Variants in PTCD2 observed in about 807,000 individuals in gnomAD.
The protein encoded by PTCD2 is pentatricopeptide repeat domain 2.
PTCD2 carries 31 observed loss-of-function variants against 42.6 expected under a neutral mutation model. That is an observed-to-expected ratio of 0.73 (90% CI 0.55 to 0.98). PTCD2 has a LOEUF of 0.98. Ranked by LOEUF, PTCD2 falls within the 50% of genes least tolerant of loss-of-function variation. The pLI is 0.00. For synonymous variants in PTCD2, 183 were observed against 170.9 expected, an observed-to-expected ratio of 1.07 and a Z score of -0.55; for missense variants, 476 against 454.8, an observed-to-expected ratio of 1.05 and a Z score of -0.42.
At chr5:72,354,242 A>T (rs1752754173) in intron 9 of PTCD2, among the ~76,000 whole-genome samples, 1 of 152,060 alleles carries the variant, frequency 6.6e-6, no homozygotes. Flanking sequence ...ATCTACTAAA[A>T]ATATAAAAAT....
rs749232470 is a variant in PTCD2 at position 72,366,220 on chromosome 5, T to TAAC, written c.*7795_*7796insCAA. The TAAC allele has an allele frequency of 1.3e-5, 2 of 151,800 alleles. No homozygotes were observed. The highest frequency in any genetic ancestry group is 2.9e-5 in the Non-Finnish European group (2 of 67,946). The allele number at this position is 151,800 out of a possible 1,614,324, so 9.4% of individuals were successfully genotyped here. On this transcript the variant is annotated 3_prime_UTR_variant, in exon 10 of 10. Coordinates refer to ENST00000380639, the MANE Select transcript of PTCD2 (RefSeq NM_024754.5). Reference sequence around the variant, plus strand: ...GACAAGAGCGAAACTATGTTTCAAATAATAATAATAATAATAAGACTTACC... The same window carrying TAAC: ...GACAAGAGCGAAACTATGTTTCAAATAACAATAATAATAATAATAAGACTTACC...
At chr5:72,350,594 A>G (rs932321485) in intron 8 of PTCD2, among the ~76,000 whole-genome samples, 3 of 152,208 alleles carry the variant, frequency 2.0e-5, no homozygotes, top group African/African-American at 4.8e-5. Flanking sequence ...TGAGAGACGC[A>G]TGGAAAGTTG....
chr5:72,331,138 CTG>C (rs1751420509), intron 3 of PTCD2, 118 bp from the exon 4 acceptor site: 2 of 697,798 alleles, frequency 2.9e-6, no homozygotes, highest in African/African-American at 1.8e-5. Context: ...CCCCTCCAGA[CTG>C]TGAGAGGACT....
chr5:72,322,084 G>A (rs1284205525), intron 1 of PTCD2, 88 bp from the exon 2 acceptor site: 3 of 706,050 alleles, frequency 4.2e-6, no homozygotes, highest in East Asian at 2.6e-5. Context: ...TATAATAGAT[G>A]TTAGAGGTAA....
intron 3 of PTCD2, among the ~76,000 whole-genome samples, chr5:72,330,886 T>C (rs1054387964): frequency 6.6e-6 from 1 of 152,142 alleles, no homozygotes; most frequent in Non-Finnish European, 1.5e-5. Flanking sequence ...TTTCCCTTGT[T>C]CTCCTCTGGG....
intron 2 of PTCD2, among the ~76,000 whole-genome samples, chr5:72,325,523 G>C (rs1476474965): frequency 1.3e-5 from 2 of 152,188 alleles, no homozygotes; most frequent in Non-Finnish European, 2.9e-5. Flanking sequence ...GAATGCAAGT[G>C]GCCGAGCTTA....
At chr5:72,348,205 A>G (rs543516081) in intron 8 of PTCD2, among the ~76,000 whole-genome samples, 26 of 152,210 alleles carry the variant, frequency 1.7e-4, no homozygotes, top group Admixed American at 3.3e-4. Context: ...CACATTTTAA[A>G]AAATGACTGC....
In PTCD2 at chr5:72,361,376, G is replaced by A. The variant is rs572334379; in HGVS notation, c.*2949G>A. On this transcript the variant is annotated 3_prime_UTR_variant, in exon 10 of 10. Transcript: ENST00000380639. ...TGGCATAATCTCAAAGGCTTCCTTA[G>A]TATTTCTGGCAGTTGATGCTAGGAC... The A allele has an allele frequency of 2.0e-5, 3 of 152,362 alleles. No homozygotes were observed. In the East Asian group the frequency reaches 5.8e-4, roughly 29 times the overall value. The allele number at this position is 152,362 out of a possible 1,614,324, so 9.4% of individuals were successfully genotyped here. A position where few individuals can be genotyped will look rare whatever the true frequency, so the allele number is the denominator to read the frequency against.
intron 6 of PTCD2, among the ~76,000 whole-genome samples, chr5:72,337,747 C>T (rs1267300664): frequency 1.3e-5 from 2 of 152,134 alleles, no homozygotes; most frequent in African/African-American, 2.4e-5. Flanking sequence ...GAGCTGAAAT[C>T]GCACCATTGC....
intron 7 of PTCD2, among the ~76,000 whole-genome samples, chr5:72,339,502 A>C (rs1310179926): frequency 6.6e-6 from 1 of 152,194 alleles, no homozygotes; most frequent in Non-Finnish European, 1.5e-5. Context: ...ATTTCCATAT[A>C]CTGCTGGGGG....
intron 2 of PTCD2, among the ~76,000 whole-genome samples, chr5:72,325,202 C>T (rs528738304): frequency 6.6e-6 from 1 of 152,278 alleles, no homozygotes; most frequent in African/African-American, 2.4e-5. Flanking sequence ...GGATTACAGG[C>T]CTGAGCCACT....
intron 2 of PTCD2, among the ~76,000 whole-genome samples, chr5:72,325,071 C>T (rs1751068049): frequency 2.6e-5 from 4 of 151,984 alleles, no homozygotes; most frequent in Admixed American, 2.6e-4. Flanking sequence ...TACAGGCGTG[C>T]ACCACCACAC....
At chr5:72,353,806 G>C (rs1490414438) in intron 9 of PTCD2, among the ~76,000 whole-genome samples, 1 of 152,116 alleles carries the variant, frequency 6.6e-6, no homozygotes, top group East Asian at 1.9e-4. Context: ...AATAGAAAAA[G>C]ATACAGTTGT....
Position 72,358,839 on chromosome 5 carries a change from T to A in PTCD2, c.*412T>A, listed in dbSNP as rs1753015558. On this transcript the variant is annotated 3_prime_UTR_variant, in exon 10 of 10. Coordinates refer to ENST00000380639, the MANE Select transcript of PTCD2 (RefSeq NM_024754.5). ...AATTCAGGAGGTATGAAACCCTATT[T>A]TACCATGTTAGAAAACAGCCCAGGA... 5.0e-6 allele frequency: 1 copy of A among 199,882 alleles called. No individual in the cohort carries two copies. Among genetic ancestry groups the A allele is most frequent in the Admixed American group, 5.3e-5 (1 of 18,836 alleles). The allele number at this position is 199,882 out of a possible 1,614,324, so 12.4% of individuals were successfully genotyped here.
At chr5:72,346,315 T>A (rs1325648773) in intron 8 of PTCD2, among the ~76,000 whole-genome samples, 1 of 152,202 alleles carries the variant, frequency 6.6e-6, no homozygotes, top group East Asian at 1.9e-4. Flanking sequence ...GGATTTGATA[T>A]GAACTGATGA....
rs533398061 is a variant in PTCD2 at position 72,355,557 on chromosome 5, G to T, written c.943-2646G>T. Among the ~76,000 whole-genome samples, 11 of 152,242 alleles carry T rather than the reference G, an allele frequency of 7.2e-5. No homozygotes were observed. The East Asian group carries it at 1.7e-3, about 24-fold the overall frequency. On this transcript the variant is annotated intron_variant, in intron 9 of 9. Transcript: ENST00000380639. The stretch of plus-strand genomic sequence containing the variant: ...AAATGCTTTGCAGAACTGTAAAGCA[G>T]AGTTAAATAAAAATGAAGAGAAAAA...
At chr5:72,355,014 C>T (rs1752803892) in intron 9 of PTCD2, among the ~76,000 whole-genome samples, 1 of 152,042 alleles carries the variant, frequency 6.6e-6, no homozygotes, top group African/African-American at 2.4e-5. Flanking sequence ...GAAGGCGGGA[C>T]CATATAGTTA....
At chr5:72,323,580 T>C (rs577659947) in intron 2 of PTCD2, among the ~76,000 whole-genome samples, 5 of 152,284 alleles carry the variant, frequency 3.3e-5, no homozygotes, top group African/African-American at 7.2e-5. Flanking sequence ...TTTTCAACCA[T>C]AGACCCAGCT....
chr5:72,357,620 T>C (rs1752941168), intron 9 of PTCD2, among the ~76,000 whole-genome samples: 1 of 152,206 alleles, frequency 6.6e-6, no homozygotes, highest in Non-Finnish European at 1.5e-5. Context: ...CTCCTCCTGC[T>C]CTAATCATTA....
Sources: allele counts gnomAD v4.1 joint callset (sites outside exome capture counted in the v4.1 genomes callset), GRCh38; gene constraint gnomAD v4.1.1; transcripts MANE v1.5; gene names NCBI Gene and HGNC (gene_info 2026-07-23, HGNC 2026-07-21).